SGCD: variants seen among roughly 807,000 people sequenced by gnomAD.
SGCD encodes the protein sarcoglycan delta, also known as delta-sarcoglycan.
Under a neutral mutation model 36.6 loss-of-function variants are expected in SGCD, and 18 were observed. The ratio of observed to expected loss-of-function variants is 0.49; its 90% CI spans 0.34 to 0.73. The LOEUF (loss-of-function observed/expected upper bound fraction) is 0.73. Among genes scored for constraint, SGCD ranks in the 30% least tolerant of loss-of-function variants. SGCD has a pLI of 0.01. For synonymous variants in SGCD, 133 were observed against 130.6 expected (o/e 1.02, Z -0.12); for missense variants, 387 against 346.7 (o/e 1.12, Z -0.92).
At chr5:156,086,149 A>G (rs1414821111) in intron 1 of SGCD, among the ~76,000 whole-genome samples, 1 of 152,250 alleles carries the variant, frequency 6.6e-6, no homozygotes, top group African/African-American at 2.4e-5. Context: ...TGGTCATTGT[A>G]ACTTTCCCAT....
chr5:156,018,366 C>T (rs775240239), intron 1 of SGCD, among the ~76,000 whole-genome samples: 7 of 152,088 alleles, frequency 4.6e-5, no homozygotes, highest in African/African-American at 1.4e-4. Context: ...TTATGTCCCA[C>T]TATGAACATG....
At chr5:155,768,149 G>A in the SGCD span, among the ~76,000 whole-genome samples, 1 of 152,190 alleles carries the variant, frequency 6.6e-6, no homozygotes, top group East Asian at 1.9e-4. Flanking sequence ...AGCTGGAGAT[G>A]GGTGGAAGGA....
At chr5:156,294,246 G>A (rs759413731) in intron 3 of SGCD, among the ~76,000 whole-genome samples, 1 of 151,844 alleles carries the variant, frequency 6.6e-6, no homozygotes, top group Non-Finnish European at 1.5e-5. Context: ...GAATATTTAG[G>A]GTTTTCTACA....
At chr5:155,923,089 G>T (rs893250028) in intron 1 of SGCD, among the ~76,000 whole-genome samples, 8 of 152,160 alleles carry the variant, frequency 5.3e-5, no homozygotes, top group Admixed American at 5.2e-4. Flanking sequence ...TAGAACTGTG[G>T]CTTCAAATAT....
chr5:156,371,758 T>G (rs1207889286), intron 3 of SGCD, among the ~76,000 whole-genome samples: 1 of 152,214 alleles, frequency 6.6e-6, no homozygotes, highest in African/African-American at 2.4e-5. Context: ...TGTTCCCCCA[T>G]CGTCATTAGG....
chr5:156,031,174 C>G (rs1184970935), intron 1 of SGCD, among the ~76,000 whole-genome samples: 1 of 152,200 alleles, frequency 6.6e-6, no homozygotes, highest in Non-Finnish European at 1.5e-5. Context: ...TTTTATGACA[C>G]AGATTCCTGT....
At chr5:156,647,686 C>A in intron 7 of SGCD, 150 bp downstream of exon 7, 6 of 624,300 alleles carry the variant, frequency 9.6e-6, no homozygotes, top group South Asian at 2.2e-5. Flanking sequence ...TAAGCTACAA[C>A]CAAAAGAAAA....
At chr5:156,138,439 C>T (rs1762507620) in intron 3 of SGCD, among the ~76,000 whole-genome samples, 1 of 152,132 alleles carries the variant, frequency 6.6e-6, no homozygotes, top group Non-Finnish European at 1.5e-5. Context: ...ACTTCACATA[C>T]ATGGTCTTAT....
intron 3 of SGCD, among the ~76,000 whole-genome samples, chr5:156,175,927 T>C (rs1460025824): frequency 6.6e-6 from 1 of 151,494 alleles, no homozygotes; most frequent in Admixed American, 6.6e-5. Flanking sequence ...TAAGCATACA[T>C]GCGGCTATTT....
At chr5:155,857,804 G>A in the SGCD span, among the ~76,000 whole-genome samples, 12 of 152,166 alleles carry the variant, frequency 7.9e-5, no homozygotes, top group South Asian at 2.3e-3. Context: ...TTTTCAATGG[G>A]CAGCATGTAC....
chr5:155,992,573 A>G (rs189585227), intron 1 of SGCD, among the ~76,000 whole-genome samples: 1 of 152,304 alleles, frequency 6.6e-6, no homozygotes, highest in African/African-American at 2.4e-5. Context: ...TCCCCCTACC[A>G]TGAGGTAAAA....
At chr5:155,753,863 C>T in the SGCD span, among the ~76,000 whole-genome samples, 1 of 152,172 alleles carries the variant, frequency 6.6e-6, no homozygotes, top group Non-Finnish European at 1.5e-5. Context: ...AGGTCCTCCT[C>T]CCAAATGTGC....
intron 3 of SGCD, among the ~76,000 whole-genome samples, chr5:156,279,230 A>G (rs1047689926): frequency 9.2e-5 from 14 of 152,310 alleles, no homozygotes; most frequent in East Asian, 1.9e-4. Flanking sequence ...AACACAAAAA[A>G]TCTTAAGTTC....
At chr5:156,593,355 A>G (rs1760798967) in intron 5 of SGCD, among the ~76,000 whole-genome samples, 2 of 152,160 alleles carry the variant, frequency 1.3e-5, no homozygotes, top group Admixed American at 6.6e-5. Flanking sequence ...GCACCAGACA[A>G]GGCTGTTCAG....
chr5:155,868,928 T>C (rs191337788), upstream of SGCD, among the ~76,000 whole-genome samples: 2 of 152,278 alleles, frequency 1.3e-5, no homozygotes, highest in African/African-American at 4.8e-5. Flanking sequence ...CAGTAATTAT[T>C]ATAGAGACTA....
At chr5:156,629,784 A>T (rs1049895961) in intron 6 of SGCD, among the ~76,000 whole-genome samples, 2 of 150,788 alleles carry the variant, frequency 1.3e-5, no homozygotes, top group Non-Finnish European at 3.0e-5. Flanking sequence ...AAAAACAGGT[A>T]GTGAGACAAA....
rs904253134 is a variant in SGCD, at chr5:155,988,347, C to G, written c.-282+117923C>G. Among the ~76,000 whole-genome samples the G allele has an allele frequency of 7.2e-5, 11 of 152,244 alleles. No individual in the cohort carries two copies. In the South Asian group the frequency reaches 1.4e-3, roughly 20 times the overall value. On this transcript the variant is annotated intron_variant, in intron 1 of 9. Transcript: ENST00000517913. ...AAAAATACGTTTTCCAAGACTCCCC[C>G]CCGACCCCATAGATATCTTTCTGCT...
chr5:156,384,965 G>T (rs1771195703), intron 3 of SGCD, among the ~76,000 whole-genome samples: 1 of 152,192 alleles, frequency 6.6e-6, no homozygotes, highest in Non-Finnish European at 1.5e-5. Flanking sequence ...AGAGATGGCA[G>T]GTTGCGAAAG....
intron 6 of SGCD, among the ~76,000 whole-genome samples, chr5:156,629,836 T>C (rs1762563867): frequency 1.3e-5 from 2 of 151,274 alleles, no homozygotes; most frequent in African/African-American, 4.9e-5. Flanking sequence ...TGGTCTAGGC[T>C]CTGGTTTTGA....
Sources: gnomAD v4.1 joint callset for allele counts (sites outside exome capture counted in the v4.1 genomes callset) on GRCh38, gnomAD v4.1.1 for gene constraint, MANE v1.5 for transcripts, NCBI Gene and HGNC (gene_info 2026-07-23, HGNC 2026-07-21) for gene names.